Variants in UBE2R2 observed in about 807,000 individuals in gnomAD.
The protein encoded by UBE2R2 is ubiquitin conjugating enzyme E2 R2.
UBE2R2 carries 1 observed loss-of-function variant against 27.8 expected under a neutral mutation model. The observed-to-expected ratio is 0.04, with a 90% CI of 0.01 to 0.17. The LOEUF (loss-of-function observed/expected upper bound fraction) is 0.17, where lower values mean the gene tolerates loss of function less well. Among genes scored for constraint, UBE2R2 ranks in the 10% least tolerant of loss-of-function variants. The pLI, the probability that UBE2R2 is intolerant of heterozygous loss-of-function variation, is 1.00. For missense variants in UBE2R2, 100 were observed against 291.0 expected, an observed-to-expected ratio of 0.34 and a Z score of 4.78; for synonymous variants, 106 against 113.3, an observed-to-expected ratio of 0.94 and a Z score of 0.41.
chr9:33,870,958 C>G (rs995576322), intron 1 of UBE2R2, among the ~76,000 whole-genome samples: 1 of 152,142 alleles, frequency 6.6e-6, no homozygotes, highest in African/African-American at 2.4e-5. Context: ...CTCAAAAATA[C>G]GTTTTGTGTT....
intron 1 of UBE2R2, among the ~76,000 whole-genome samples, chr9:33,830,366 A>G (rs966064638): frequency 2.1e-4 from 31 of 147,814 alleles, no homozygotes; most frequent in Non-Finnish European, 2.1e-4. Context: ...CATGTTGGCC[A>G]GGCTGGTCTC....
At chr9:33,888,993 T>C (rs1377507400) in intron 2 of UBE2R2, among the ~76,000 whole-genome samples, 4 of 152,224 alleles carry the variant, frequency 2.6e-5, no homozygotes, top group Admixed American at 6.5e-5. Flanking sequence ...TGAAATGATA[T>C]ATAGTTTTCT....
At chr9:33,909,498 A>C (rs1413515447) in intron 3 of UBE2R2, among the ~76,000 whole-genome samples, 1 of 152,180 alleles carries the variant, frequency 6.6e-6, no homozygotes, top group African/African-American at 2.4e-5. Context: ...ACAATCAATA[A>C]ATAAAAATTT....
chr9:33,887,419 T>C (rs2130796719), intron 2 of UBE2R2, among the ~76,000 whole-genome samples: 1 of 152,352 alleles, frequency 6.6e-6, no homozygotes, highest in Non-Finnish European at 1.5e-5. Context: ...GAATTGCTGC[T>C]GAACATTTGG....
intron 1 of UBE2R2, among the ~76,000 whole-genome samples, chr9:33,882,594 T>C (rs1327788863): frequency 1.3e-5 from 2 of 152,180 alleles, no homozygotes; most frequent in Non-Finnish European, 2.9e-5. Flanking sequence ...ATAATGATAT[T>C]TTAGAAATCA....
intron 3 of UBE2R2, among the ~76,000 whole-genome samples, chr9:33,911,024 A>G (rs903381208): frequency 6.6e-6 from 1 of 151,858 alleles, no homozygotes; most frequent in African/African-American, 2.4e-5. Context: ...GAATTACTTG[A>G]ACCCAGGAGG....
At position 33,869,652 on chromosome 9, in the gene UBE2R2, G is replaced by GT. The variant is rs554646939; in HGVS notation, c.178-17227dup. On this transcript the variant is annotated intron_variant, in intron 1 of 4. Coordinates refer to ENST00000263228, the MANE Select transcript of UBE2R2 (RefSeq NM_017811.4). The stretch of plus-strand genomic sequence containing the variant: ...TTAGTAGAGACGGGGTTTTCACCAT[G>GT]TTGGCCAGGCTCGTCTGGAACTCCT... Among the ~76,000 whole-genome samples, 26 of 151,974 alleles carry GT rather than the reference G, an allele frequency of 1.7e-4. No individual in the cohort carries two copies. The South Asian group carries it at 5.4e-3, about 32-fold the overall frequency.
intron 1 of UBE2R2, among the ~76,000 whole-genome samples, chr9:33,848,607 T>A (rs79964324): frequency 7.1e-6 from 1 of 140,250 alleles, no homozygotes; most frequent in African/African-American, 2.8e-5. Context: ...TATAAAATCT[T>A]TTTTTTTTTT....
chr9:33,887,474 C>T (rs1443243174), intron 2 of UBE2R2, among the ~76,000 whole-genome samples: 4 of 152,148 alleles, frequency 2.6e-5, no homozygotes, highest in African/African-American at 4.8e-5. Context: ...TTGTACTAGA[C>T]AAGTGCACAT....
intron 1 of UBE2R2, among the ~76,000 whole-genome samples, chr9:33,856,333 A>G (rs980539315): frequency 5.9e-5 from 9 of 152,202 alleles, no homozygotes; most frequent in African/African-American, 1.9e-4. Context: ...TATTAATACT[A>G]GGCTTATGAT....
At chr9:33,909,947 C>T (rs1296793181) in intron 3 of UBE2R2, among the ~76,000 whole-genome samples, 3 of 152,252 alleles carry the variant, frequency 2.0e-5, no homozygotes, top group Middle Eastern at 3.4e-3. Flanking sequence ...CATCTAATTG[C>T]CTGGTTTCCT....
intron 1 of UBE2R2, among the ~76,000 whole-genome samples, chr9:33,872,708 C>T (rs1821512899): frequency 6.6e-6 from 1 of 151,754 alleles, no homozygotes; most frequent in Non-Finnish European, 1.5e-5. Flanking sequence ...ATCGCTTGAA[C>T]CTGGGAGGTG....
At chr9:33,879,096 G>T (rs529634437) in intron 1 of UBE2R2, among the ~76,000 whole-genome samples, 1 of 152,186 alleles carries the variant, frequency 6.6e-6, no homozygotes, top group African/African-American at 2.4e-5. Flanking sequence ...ATTTAGCTGG[G>T]CATGGTGTCA....
At chr9:33,881,338 C>T in intron 1 of UBE2R2, among the ~76,000 whole-genome samples, 1 of 152,050 alleles carries the variant, frequency 6.6e-6, no homozygotes, top group East Asian at 1.9e-4. Context: ...TAAAATTCAC[C>T]CTTTTAAAGT....
intron 3 of UBE2R2, among the ~76,000 whole-genome samples, chr9:33,907,537 C>T (rs1203156360): frequency 6.6e-6 from 1 of 151,906 alleles, no homozygotes; most frequent in African/African-American, 2.4e-5. Flanking sequence ...AAATGTTAAA[C>T]ATGTATTCTG....
At chr9:33,877,523 C>A (rs920878219) in intron 1 of UBE2R2, among the ~76,000 whole-genome samples, 2 of 151,902 alleles carry the variant, frequency 1.3e-5, no homozygotes, top group Non-Finnish European at 2.9e-5. Context: ...GCTGAAAGTT[C>A]AAGAATAATT....
intron 1 of UBE2R2, among the ~76,000 whole-genome samples, chr9:33,824,262 C>T (rs1055380615): frequency 5.9e-5 from 9 of 151,982 alleles, no homozygotes; most frequent in Admixed American, 3.9e-4. Flanking sequence ...GAGGCCGAGG[C>T]GGGTGGATCA....
chr9:33,822,123 C>G (rs1455455251), intron 1 of UBE2R2, among the ~76,000 whole-genome samples: 1 of 146,010 alleles, frequency 6.8e-6, no homozygotes, highest in African/African-American at 2.6e-5. Context: ...CTGAGTTTTG[C>G]TCTTATTGCC....
chr9:33,884,363 C>G (rs976586842), intron 1 of UBE2R2, among the ~76,000 whole-genome samples: 1 of 150,002 alleles, frequency 6.7e-6, no homozygotes, highest in African/African-American at 2.5e-5. Context: ...TAGCCCACTG[C>G]AGCCCCACCT....
Sources: allele counts gnomAD v4.1 joint callset (sites outside exome capture counted in the v4.1 genomes callset), GRCh38; gene constraint gnomAD v4.1.1; transcripts MANE v1.5; gene names NCBI Gene and HGNC (gene_info 2026-07-23, HGNC 2026-07-21).